The following PUS10 variants were observed in gnomAD, a reference collection of about 807,000 sequenced individuals.
PUS10 encodes the protein pseudouridine synthase 10.
In PUS10, 59 loss-of-function variants were observed where a neutral mutation model predicts 75.0. The observed-to-expected ratio is 0.79, with a 90% CI of 0.64 to 0.98. PUS10 has a LOEUF of 0.98. PUS10 is among the 50% of genes least tolerant of loss of function. The probability of loss-of-function intolerance (pLI) is 0.00; values close to 1 mark genes in which losing one functional copy is unlikely to be tolerated. For missense variants in PUS10, 650 were observed against 614.4 expected (o/e 1.06, Z -0.61); for synonymous variants, 219 against 211.6 (o/e 1.03, Z -0.30).
At chr2:61,013,324 T>A (rs1248043154) in intron 1 of PUS10, among the ~76,000 whole-genome samples, 2 of 150,750 alleles carry the variant, frequency 1.3e-5, no homozygotes, top group Non-Finnish European at 2.9e-5. Flanking sequence ...CTGTAGGTCA[T>A]AAGACTCCCC....
intron 1 of PUS10, among the ~76,000 whole-genome samples, chr2:61,012,728 G>A (rs1285157604): frequency 6.8e-6 from 1 of 146,834 alleles, no homozygotes; most frequent in Non-Finnish European, 1.5e-5. Context: ...CGGCTACTTG[G>A]GAGGCTGAGG....
intron 4 of PUS10, among the ~76,000 whole-genome samples, chr2:61,004,736 C>T (rs1679095019): frequency 1.3e-5 from 2 of 150,950 alleles, no homozygotes; most frequent in Non-Finnish European, 2.9e-5. Flanking sequence ...AAAGAGTATA[C>T]TGCATATAAA....
At chr2:60,947,562 G>T (rs759716673) in intron 16 of PUS10, among the ~76,000 whole-genome samples, 9 of 152,180 alleles carry the variant, frequency 5.9e-5, no homozygotes, top group Non-Finnish European at 1.3e-4. Flanking sequence ...AGGCGCGGTG[G>T]CTCACGCCTG....
At position 60,955,061 on chromosome 2, in the gene PUS10, T is replaced by A. The variant is rs772761454; in HGVS notation, c.1014A>T (p.Ser338=). 6.3e-7 allele frequency: 1 copy of A among 1,595,166 alleles called. No homozygotes were observed. The highest frequency in any genetic ancestry group is 8.5e-7 in the Non-Finnish European group (1 of 1,171,332). Residue 338 remains serine (S), a synonymous_variant, in exon 12 of 18, where the codon TCA becomes TCT. Transcript: ENST00000316752. ...AVFKAESFNF[S]SSGREDVDVR... ...CATCTACATCTTCTCTTCCAGAGGA[T>A]GAAAAATTAAAACCTTTGAAAAGCA...
intron 4 of PUS10, among the ~76,000 whole-genome samples, chr2:61,006,043 C>G (rs1679189796): frequency 1.3e-5 from 2 of 152,056 alleles, no homozygotes; most frequent in South Asian, 4.2e-4. Context: ...AATATTACAG[C>G]AGTGACTTTT....
chr2:60,977,169 A>T (rs1677085136), intron 4 of PUS10, among the ~76,000 whole-genome samples: 1 of 152,166 alleles, frequency 6.6e-6, no homozygotes. Flanking sequence ...TTTCTGAGTT[A>T]GAGGTTCATC....
Position 60,957,589 on chromosome 2 carries a change from G to C in PUS10, c.1001-2515C>G, listed in dbSNP as rs1017895965. ...TGCAATGGGTCTCACGGGAGATTAA[G>C]ACAGTCAAGGGTTTTACTGATGACC... On this transcript the variant is annotated intron_variant, in intron 11 of 17. Coordinates refer to ENST00000316752, the MANE Select transcript of PUS10 (RefSeq NM_144709.4). Among the ~76,000 whole-genome samples, 5 of 152,272 alleles carry C rather than the reference G, an allele frequency of 3.3e-5. No homozygotes were observed. In the East Asian group the frequency reaches 5.8e-4, roughly 18 times the overall value.
intron 15 of PUS10, among the ~76,000 whole-genome samples, chr2:60,949,996 G>T (rs1192360100): frequency 2.6e-5 from 4 of 152,154 alleles, no homozygotes; most frequent in Non-Finnish European, 5.9e-5. Flanking sequence ...TTTTTCCCAT[G>T]GCATTCTCAA....
intron 1 of PUS10, among the ~76,000 whole-genome samples, chr2:61,015,811 G>A (rs1017875017): frequency 1.3e-5 from 2 of 152,114 alleles, no homozygotes; most frequent in African/African-American, 2.4e-5. Context: ...AGAAGAGATC[G>A]GATGCTGTGA....
intron 4 of PUS10, among the ~76,000 whole-genome samples, chr2:60,984,746 G>C (rs1241556071): frequency 6.6e-6 from 1 of 152,196 alleles, no homozygotes; most frequent in Non-Finnish European, 1.5e-5. Context: ...GCATATGTGA[G>C]CTCTGTAAGT....
At chr2:60,961,744 C>T (rs1018048946) in intron 9 of PUS10, among the ~76,000 whole-genome samples, 196 bp from the exon 10 acceptor site, 4 of 152,160 alleles carry the variant, frequency 2.6e-5, no homozygotes, top group African/African-American at 9.7e-5. Flanking sequence ...TAAATAAGGG[C>T]TCTGCTGCTA....
intron 3 of PUS10, among the ~76,000 whole-genome samples, chr2:61,006,966 A>G (rs1679251900): frequency 6.6e-6 from 1 of 152,216 alleles, no homozygotes; most frequent in Admixed American, 6.5e-5. Flanking sequence ...CAGAAAAAAC[A>G]AACAAAAGGC....
intron 17 of PUS10, 88 bp from the exon 18 acceptor site, chr2:60,942,521 A>G: frequency 3.9e-6 from 4 of 1,019,838 alleles, no homozygotes; most frequent in Middle Eastern, 2.1e-4. Context: ...AATAGTTTTA[A>G]TATAGTGCAA....
At chr2:60,988,526 A>G (rs562415353) in intron 4 of PUS10, among the ~76,000 whole-genome samples, 2 of 152,362 alleles carry the variant, frequency 1.3e-5, no homozygotes, top group Admixed American at 6.5e-5. Flanking sequence ...CAAATAATGT[A>G]ACTATAATAC....
intron 4 of PUS10, among the ~76,000 whole-genome samples, chr2:61,000,196 C>G (rs970798066): frequency 3.3e-5 from 5 of 152,130 alleles, no homozygotes; most frequent in Non-Finnish European, 7.4e-5. Flanking sequence ...ATCCTTGCAG[C>G]AATCTAATTC....
intron 15 of PUS10, among the ~76,000 whole-genome samples, chr2:60,952,334 CAAAA>C (rs78551218): frequency 6.0e-5 from 6 of 100,454 alleles, no homozygotes; most frequent in Non-Finnish European, 9.4e-5. Context: ...GACTCTGTCT[CAAAA>C]AAAAAAAAAA....
At chr2:61,013,180 G>C (rs1000829989) in intron 1 of PUS10, among the ~76,000 whole-genome samples, 7 of 151,282 alleles carry the variant, frequency 4.6e-5, no homozygotes, top group Non-Finnish European at 8.8e-5. Flanking sequence ...TTGAACCCAA[G>C]AGGTAGAGGT....
chr2:60,960,615 G>A, intron 10 of PUS10, 98 bp from the exon 11 acceptor site: 2 of 1,142,040 alleles, frequency 1.8e-6, no homozygotes, highest in Non-Finnish European at 2.4e-6. Flanking sequence ...TATCCTAAGT[G>A]CTACGATATA....
chr2:60,942,744 C>T (rs536383579), intron 17 of PUS10, among the ~76,000 whole-genome samples: 1 of 152,116 alleles, frequency 6.6e-6, no homozygotes, highest in African/African-American at 2.4e-5. Flanking sequence ...GTGGCTCACA[C>T]CTTTAATCCC....
Sources: gnomAD v4.1 joint callset for allele counts (sites outside exome capture counted in the v4.1 genomes callset) on GRCh38, gnomAD v4.1.1 for gene constraint, MANE v1.5 for transcripts, NCBI Gene and HGNC (gene_info 2026-07-23, HGNC 2026-07-21) for gene names.